Variants in BAHCC1 observed in about 807,000 individuals in gnomAD.
BAHCC1 encodes the protein BAH and coiled-coil domain-containing protein 1.
In BAHCC1, 43 loss-of-function variants were observed where a neutral mutation model predicts 88.2. The ratio of observed to expected loss-of-function variants is 0.49; its 90% CI spans 0.38 to 0.63. BAHCC1 has a LOEUF of 0.63. Ranked by LOEUF, BAHCC1 falls within the 20% of genes least tolerant of loss-of-function variation. The pLI is 0.00. For missense variants in BAHCC1, 3,023 were observed against 1,654.8 expected, an observed-to-expected ratio of 1.83 and a Z score of -14.34; for synonymous variants, 1,510 against 745.5, an observed-to-expected ratio of 2.03 and a Z score of -16.71.
chr17:81,442,650 C>G lies in BAHCC1; in HGVS notation c.1301C>G (p.Ala434Gly), dbSNP rs1309582204. Residue 434 changes from alanine (A) to glycine (G), a missense_variant, in exon 5 of 28, where the codon GCT (alanine) becomes GGT (glycine). By Grantham distance (60) the Ala-to-Gly change is moderately conservative (BLOSUM62 0). Coordinates refer to ENST00000675386, the MANE Select transcript of BAHCC1 (RefSeq NM_001377448.1). ...GAGGGAACCATGGCCCCCGACCACGCTGCACCCTATGGAGTCTCCTATGCC... is the reference window on the plus strand; with the variant it reads ...GAGGGAACCATGGCCCCCGACCACGGTGCACCCTATGGAGTCTCCTATGCC... ...HLEGTMAPDH[A>G]APYGVSYAHL... The G allele has an allele frequency of 1.3e-6, 1 of 776,226 alleles. No homozygotes were observed. Among genetic ancestry groups the G allele is most frequent in the Non-Finnish European group, 2.4e-6 (1 of 416,468 alleles). The allele number at this position is 776,226 out of a possible 1,614,324, so 48.1% of individuals were successfully genotyped here.
chr17:81,446,493 G>T (rs2064529879), intron 10 of BAHCC1, among the ~76,000 whole-genome samples: 2 of 148,110 alleles, frequency 1.4e-5, no homozygotes, highest in Admixed American at 6.7e-5. Flanking sequence ...CACTCTTTAG[G>T]GGAATGAGGG....
At position 81,457,508 on chromosome 17, in the gene BAHCC1, G is replaced by C. The variant is rs61730239; in HGVS notation, c.4957G>C (p.Val1653Leu). ...GCTGCACACCGGGGCCAGTGTGGCC[G>C]TGCTGGGGCCCTCACCCTCCTCTGT... ...LLLHTGASVAVLGPSPSSVVK... is the reference protein window; with the variant it reads ...LLLHTGASVALLGPSPSSVVK... Residue 1653 changes from valine (V) to leucine (L), a missense_variant, in exon 17 of 28, where the codon GTG becomes CTG. Val to Leu is a conservative substitution (Grantham distance 32, BLOSUM62 1). Transcript: ENST00000675386. The C allele has an allele frequency of 1.2e-5, 9 of 759,524 alleles. No individual in the cohort carries two copies. Among genetic ancestry groups the C allele is most frequent in the South Asian group, 7.0e-5 (5 of 71,538 alleles). 47.0% of individuals were successfully genotyped at this position (759,524 alleles called of 1,614,324 possible). A position where few individuals can be genotyped will look rare whatever the true frequency, so the allele number is the denominator to read the frequency against.
chr17:81,446,909 A>C (rs1467171914), intron 10 of BAHCC1, 127 bp from the exon 11 acceptor site: 1 of 680,628 alleles, frequency 1.5e-6, no homozygotes, highest in East Asian at 2.7e-5. Flanking sequence ...GCAGACCTGC[A>C]GCTAGCCCAG....
intron 11 of BAHCC1, among the ~76,000 whole-genome samples, chr17:81,448,800 G>C (rs555546527): frequency 1.3e-5 from 2 of 152,178 alleles, no homozygotes; most frequent in Non-Finnish European, 2.9e-5. Flanking sequence ...CTGGCCCAGA[G>C]TCCCTGCTTC....
intron 14 of BAHCC1, 95 bp from the exon 15 acceptor site, chr17:81,455,172 G>A: frequency 1.5e-6 from 1 of 653,736 alleles, no homozygotes; most frequent in Non-Finnish European, 2.8e-6. Flanking sequence ...GGAGGAGGGT[G>A]ACCCACAGTG....
chr17:81,457,564 G>C lies in BAHCC1; in HGVS notation c.5013G>C (p.Lys1671Asn). ...AGATGGAGGCCAACCAGAAGGCCAA[G>C]AAGAAGAAGGAGAGGCAGGGGTTGC... ...VVKMEANQKA[K>N]KKKERQGLLG... is the part of the protein sequence containing the mutation. Residue 1671 changes from lysine (K) to asparagine (N), a missense_variant, in exon 17 of 28, where the codon AAG (lysine) becomes AAC (asparagine). By Grantham distance (94) the Lys-to-Asn change is moderately conservative. Transcript: ENST00000675386. The C allele has an allele frequency of 1.3e-6, 1 of 742,616 alleles. No homozygotes were observed. The highest frequency in any genetic ancestry group is 2.5e-6 in the Non-Finnish European group (1 of 399,240). 46.0% of individuals were successfully genotyped at this position (742,616 alleles called of 1,614,324 possible). A position where few individuals can be genotyped will look rare whatever the true frequency, so the allele number is the denominator to read the frequency against.
intron 2 of BAHCC1, among the ~76,000 whole-genome samples, chr17:81,419,789 G>T (rs7224789): frequency 0.98 from 142,490 of 144,728 alleles, 70,138 homozygotes; most frequent in East Asian, 1. Flanking sequence ...TCAACGAGGC[G>T]TTTTTTTTTT....
intron 1 of BAHCC1, among the ~76,000 whole-genome samples, chr17:81,398,709 C>A (rs1443475597): frequency 1.3e-5 from 2 of 152,186 alleles, no homozygotes; most frequent in Non-Finnish European, 2.9e-5. Context: ...AGGAAGCTCC[C>A]GGCTCCGGGA....
At chr17:81,455,439 A>G (rs2064730781) in intron 15 of BAHCC1, 49 bp downstream of exon 15, 1 of 706,194 alleles carries the variant, frequency 1.4e-6, no homozygotes, top group South Asian at 1.5e-5. Flanking sequence ...AGGTCCCTTC[A>G]GGTCCCTTCC....
chr17:81,416,253 CGT>C (rs1166434088), intron 2 of BAHCC1, among the ~76,000 whole-genome samples: 11 of 59,184 alleles, frequency 1.9e-4, no homozygotes, highest in Admixed American at 1.4e-3. Context: ...CGTGTGTGTA[CGT>C]GTGTGTGTCC....
chr17:81,452,219 C>T (rs1555656055), intron 13 of BAHCC1, 112 bp downstream of exon 13: 4 of 509,872 alleles, frequency 7.8e-6, no homozygotes, highest in African/African-American at 2.0e-5. Context: ...GCTCTGCCCC[C>T]TACCTGTGGG....
At chr17:81,414,501 C>T (rs571600176) in intron 2 of BAHCC1, among the ~76,000 whole-genome samples, 109 of 152,338 alleles carry the variant, frequency 7.2e-4, no homozygotes, top group Middle Eastern at 3.4e-3. Flanking sequence ...CAAACCCCCT[C>T]GGCCAGCCCC....
At position 81,457,454 on chromosome 17, in the gene BAHCC1, G is replaced by T; in HGVS notation, c.4903G>T (p.Glu1635Ter). Residue 1635 changes from glutamate (E) to a stop codon, truncating the protein, a stop_gained, in exon 17 of 28, where the codon GAG (glutamate) becomes TAG (stop). Coordinates refer to ENST00000675386, the MANE Select transcript of BAHCC1 (RefSeq NM_001377448.1). LOFTEE classifies it high-confidence loss of function. The stretch of plus-strand genomic sequence containing the variant: ...GGACTGCGAGGGTCTCCTGGGGACA[G>T]AGGCACCACCCAGGGAAGCAGGGCT... ...SEDCEGLLGT[E>*]APPREAGLLL... The T allele has an allele frequency of 1.3e-6, 1 of 772,498 alleles. No homozygotes were observed. Among genetic ancestry groups the T allele is most frequent in the Non-Finnish European group, 2.4e-6 (1 of 414,924 alleles). 47.9% of individuals were successfully genotyped at this position (772,498 alleles called of 1,614,324 possible).
intron 2 of BAHCC1, among the ~76,000 whole-genome samples, chr17:81,405,346 G>A (rs1226154989): frequency 2.6e-5 from 4 of 152,218 alleles, no homozygotes; most frequent in Non-Finnish European, 1.5e-5. Context: ...GATTACAGGT[G>A]TGAGCCACCG....
rs1224514706 is a variant in BAHCC1 at position 81,430,384 on chromosome 17, GCACA to G, written c.358+3411_358+3414del. On this transcript the variant is annotated intron_variant, in intron 3 of 27. Coordinates refer to ENST00000675386, the MANE Select transcript of BAHCC1 (RefSeq NM_001377448.1). ...CTGGGGGGAGCCATGGGGGCGGCAG[GCACA>G]CACACGCGCTGGCTCTCCGCCTGGC... 2.2e-4 allele frequency among the ~76,000 whole-genome samples: 34 copies of G among 152,230 alleles called. No homozygotes were observed. The East Asian group carries it at 6.6e-3, about 29-fold the overall frequency.
At chr17:81,406,869 G>C in intron 2 of BAHCC1, 1 of 456,308 alleles carries the variant, frequency 2.2e-6, no homozygotes, top group South Asian at 1.5e-5. Flanking sequence ...CGCCCAAGCT[G>C]GGAGCCAGCC....
rs557087598 is a variant in BAHCC1, at chr17:81,445,767, T to A, written c.3163+86T>A. On this transcript the variant is annotated intron_variant, in intron 10 of 27. Coordinates refer to ENST00000675386, the MANE Select transcript of BAHCC1 (RefSeq NM_001377448.1). ...CGGCAGGGCTGCGCTGAATCCGGGCTGCCTGCAGGGAGGCGCCACACCTGC... is the reference window on the plus strand; with the variant it reads ...CGGCAGGGCTGCGCTGAATCCGGGCAGCCTGCAGGGAGGCGCCACACCTGC... 228 of 660,526 alleles carry A rather than the reference T, an allele frequency of 3.5e-4. 1 individual carries two copies. The East Asian group carries it at 6.1e-3, about 18-fold the overall frequency. 40.9% of individuals were successfully genotyped at this position (660,526 alleles called of 1,614,324 possible). A position where few individuals can be genotyped will look rare whatever the true frequency, so the allele number is the denominator to read the frequency against.
At chr17:81,438,622 G>A (rs1453345777) in intron 4 of BAHCC1, 130 bp downstream of exon 4, 7 of 655,286 alleles carry the variant, frequency 1.1e-5, no homozygotes, top group South Asian at 1.0e-4. Context: ...CGAGGCCAGG[G>A]TGGGGGCTAG....
chr17:81,453,894 C>T (rs991227175), intron 14 of BAHCC1, among the ~76,000 whole-genome samples: 3 of 152,362 alleles, frequency 2.0e-5, no homozygotes, highest in East Asian at 1.9e-4. Context: ...AGTCGGGGAG[C>T]GGGGGCCCAG....
Sources: allele counts gnomAD v4.1 joint callset (sites outside exome capture counted in the v4.1 genomes callset), GRCh38; gene constraint gnomAD v4.1.1; transcripts MANE v1.5; gene names NCBI Gene and HGNC (gene_info 2026-07-23, HGNC 2026-07-21).